ATF6: variants seen among roughly 807,000 people sequenced by gnomAD.
The protein encoded by ATF6 is activating transcription factor 6.
ATF6 carries 53 observed loss-of-function variants against 83.6 expected under a neutral mutation model. That is an observed-to-expected ratio of 0.63 (90% CI 0.51 to 0.80). ATF6 has a LOEUF of 0.80. ATF6 is among the 30% of genes least tolerant of loss of function. ATF6 has a pLI of 0.00. For synonymous variants in ATF6, 288 were observed against 285.8 expected (o/e 1.01, Z -0.08); for missense variants, 744 against 797.9 (o/e 0.93, Z 0.81).
intron 9 of ATF6, chr1:161,840,174 T>C (rs1474449813): frequency 3.3e-5 from 5 of 152,244 alleles, no homozygotes; most frequent in Admixed American, 2.6e-4. Flanking sequence ...GTGAAATATT[T>C]GTTATTTTTC....
chr1:161,944,493 A>G (rs10800151), intron 15 of ATF6, among the ~76,000 whole-genome samples: 56,371 of 152,086 alleles, frequency 0.37, 10,699 homozygotes, highest in Non-Finnish European at 0.4. Context: ...TATGCATACA[A>G]GGTATGCAGT....
In ATF6 at chr1:161,963,478, T is replaced by C. The variant is rs1689143661; in HGVS notation, c.*4824T>C. 6.6e-6 allele frequency: 1 copy of C among 152,230 alleles called. No homozygotes were observed. The highest frequency in any genetic ancestry group is 6.5e-5 in the Admixed American group (1 of 15,284). The allele number at this position is 152,230 out of a possible 1,614,324, so 9.4% of individuals were successfully genotyped here. Reference sequence around the variant, plus strand: ...TTTTAATTATATTAGGTTTGGTAACTAAGGAGTAAATAAATCATAATTTAT... The same window carrying C: ...TTTTAATTATATTAGGTTTGGTAACCAAGGAGTAAATAAATCATAATTTAT... On this transcript the variant is annotated 3_prime_UTR_variant, in exon 16 of 16. Transcript: ENST00000367942.
chr1:161,918,149 A>G (rs888571327), intron 15 of ATF6, among the ~76,000 whole-genome samples: 1 of 152,184 alleles, frequency 6.6e-6, no homozygotes, highest in African/African-American at 2.4e-5. Flanking sequence ...AACATAATAC[A>G]GTCATTTGAA....
At chr1:161,894,451 A>G (rs891478725) in intron 14 of ATF6, among the ~76,000 whole-genome samples, 13 of 143,356 alleles carry the variant, frequency 9.1e-5, no homozygotes, top group African/African-American at 3.3e-4. Context: ...GTTTGGGCTT[A>G]GTTTTAAAAA....
Position 161,851,812 on chromosome 1 carries a change from A to G in ATF6, c.1410A>G (p.Leu470=), listed in dbSNP as rs377622192. ...LYIPPPPCQP[L]INTTESLRLN... ...TTCCTCCACCTCCTTGTCAGCCCCTAATTAACACAACAGAGTCTCTCAGGT... is the reference window on the plus strand; with the variant it reads ...TTCCTCCACCTCCTTGTCAGCCCCTGATTAACACAACAGAGTCTCTCAGGT... Residue 470 remains leucine (L), a synonymous_variant, in exon 11 of 16, where the codon CTA becomes CTG. Coordinates refer to ENST00000367942, the MANE Select transcript of ATF6 (RefSeq NM_007348.4). 32 of 1,613,140 alleles carry G rather than the reference A, an allele frequency of 2.0e-5. No homozygotes were observed. The highest frequency in any genetic ancestry group is 4.0e-5 in the African/African-American group (3 of 74,904).
chr1:161,932,870 G>A (rs1395003784), intron 15 of ATF6, among the ~76,000 whole-genome samples: 1 of 152,178 alleles, frequency 6.6e-6, no homozygotes, highest in Non-Finnish European at 1.5e-5. Flanking sequence ...CTTTTGGACT[G>A]AGACCTGCAA....
intron 14 of ATF6, among the ~76,000 whole-genome samples, chr1:161,909,101 A>G (rs1687935122): frequency 6.6e-6 from 1 of 152,206 alleles, no homozygotes; most frequent in Non-Finnish European, 1.5e-5. Context: ...AATCCAAAAT[A>G]ATAGTGGCTT....
intron 15 of ATF6, among the ~76,000 whole-genome samples, chr1:161,914,291 G>A (rs578033938): frequency 1.3e-5 from 2 of 152,158 alleles, no homozygotes; most frequent in East Asian, 3.9e-4. Context: ...TCTGCAGCAG[G>A]GCAGGTGGTA....
intron 15 of ATF6, among the ~76,000 whole-genome samples, chr1:161,933,682 C>A (rs896462668): frequency 6.6e-6 from 1 of 152,232 alleles, no homozygotes; most frequent in African/African-American, 2.4e-5. Context: ...ACTCTTCTAA[C>A]TCATCATGAG....
intron 14 of ATF6, among the ~76,000 whole-genome samples, chr1:161,905,949 C>T (rs1373618696): frequency 6.6e-6 from 1 of 152,182 alleles, no homozygotes; most frequent in Non-Finnish European, 1.5e-5. Flanking sequence ...TCTCCTGCCT[C>T]AGCCTCCTGA....
At position 161,894,702 on chromosome 1, in the gene ATF6, A is replaced by ATTT. The variant is rs59848309; in HGVS notation, c.1720-17575_1720-17573dup. 2.3e-4 allele frequency among the ~76,000 whole-genome samples: 25 copies of ATTT among 109,156 alleles called. No homozygotes were observed. In the East Asian group the frequency reaches 4.4e-3, roughly 19 times the overall value. 71.6% of individuals were successfully genotyped at this position (109,156 alleles called of 152,430 possible). ...AGGCGCCCACCACTAAGCCGGGCTA[A>ATTT]TTTTTTTTTTTTTTTTTTTTTGTAT... On this transcript the variant is annotated intron_variant, in intron 14 of 15. Transcript: ENST00000367942.
intron 7 of ATF6, among the ~76,000 whole-genome samples, chr1:161,814,220 AGTC>A (rs1356364869): frequency 6.6e-6 from 1 of 152,206 alleles, no homozygotes; most frequent in Non-Finnish European, 1.5e-5. Flanking sequence ...GAAGCAGTGG[AGTC>A]ATTAACTGAA....
At position 161,784,012 on chromosome 1, in the gene ATF6, T is replaced by C. The variant is rs2271013; in HGVS notation, c.270T>C (p.Pro90=). 0.089 allele frequency: 143,840 copies of C among 1,609,026 alleles called. 11,958 individuals carry two copies. Among genetic ancestry groups the C allele is most frequent in the Admixed American group, 0.39 (23,087 of 59,908 alleles). The part of the protein sequence containing the change: ...ICTVKDIKAE[P]QPLSPASSSY... ...CAGTTAAAGATATTAAGGCAGAACC[T>C]CAGCCACTTTCTCCAGCCTCCTCAA... The change falls in exon 4 of 16, where the codon CCT becomes CCC. Residue 90 remains proline, a synonymous_variant. Transcript: ENST00000367942.
chr1:161,909,702 A>T (rs1687950162), intron 14 of ATF6, among the ~76,000 whole-genome samples: 1 of 152,150 alleles, frequency 6.6e-6, no homozygotes, highest in Non-Finnish European at 1.5e-5. Flanking sequence ...CACACCTGTA[A>T]TCCCAGCACT....
At chr1:161,793,879 G>A (rs1684943172) in intron 6 of ATF6, among the ~76,000 whole-genome samples, 1 of 151,852 alleles carries the variant, frequency 6.6e-6, no homozygotes, top group Admixed American at 6.6e-5. Flanking sequence ...TTGTGAGCAT[G>A]TGCTAATATG....
chr1:161,781,591 G>T (rs955381471), intron 2 of ATF6, among the ~76,000 whole-genome samples: 1 of 152,052 alleles, frequency 6.6e-6, no homozygotes, highest in Non-Finnish European at 1.5e-5. Context: ...TATTTTGCTG[G>T]ATTTCCCTTA....
chr1:161,891,020 G>T (rs1255213196), intron 14 of ATF6: 2 of 152,260 alleles, frequency 1.3e-5, no homozygotes, highest in South Asian at 2.1e-4. Flanking sequence ...AGGAGGCCGA[G>T]GATCTCGTGT....
At chr1:161,808,503 C>T (rs1212709990) in intron 7 of ATF6, among the ~76,000 whole-genome samples, 3 of 152,144 alleles carry the variant, frequency 2.0e-5, no homozygotes, top group Admixed American at 2.0e-4. Context: ...TTGCTTTTCT[C>T]ACTTATACCT....
At chr1:161,787,577 G>A (rs1684772943) in intron 4 of ATF6, among the ~76,000 whole-genome samples, 1 of 152,052 alleles carries the variant, frequency 6.6e-6, no homozygotes, top group African/African-American at 2.4e-5. Flanking sequence ...ATTCCACCAG[G>A]CTACTTCTCT....
Sources: gnomAD v4.1 joint callset for allele counts (sites outside exome capture counted in the v4.1 genomes callset) on GRCh38, gnomAD v4.1.1 for gene constraint, MANE v1.5 for transcripts, NCBI Gene and HGNC (gene_info 2026-07-23, HGNC 2026-07-21) for gene names.